SHROOM2: variants seen among roughly 807,000 people sequenced by gnomAD.
The protein encoded by SHROOM2 is shroom family member 2.
A neutral mutation model predicts 75.9 loss-of-function variants in SHROOM2; 33 were observed. That is an observed-to-expected ratio of 0.43 (90% CI 0.33 to 0.58). The LOEUF is 0.58. Ranked by LOEUF, SHROOM2 falls within the 20% of genes least tolerant of loss-of-function variation. The pLI, the probability that SHROOM2 is intolerant of heterozygous loss-of-function variation, is 0.04. For missense variants in SHROOM2, 1,434 were observed against 1,461.2 expected, an observed-to-expected ratio of 0.98 and a Z score of 0.30; for synonymous variants, 655 against 663.6, an observed-to-expected ratio of 0.99 and a Z score of 0.20.
chrX:9,948,784 C>T lies in SHROOM2; in HGVS notation c.*1847C>T, dbSNP rs904175116. 2 of 113,073 alleles carry T rather than the reference C, an allele frequency of 1.8e-5. No individual in the cohort carries two copies. Among genetic ancestry groups the T allele is most frequent in the African/African-American group, 3.2e-5 (1 of 31,115 alleles). The allele number at this position is 113,073 out of a possible 1,213,427, so 9.3% of individuals were successfully genotyped here. A position where few individuals can be genotyped will look rare whatever the true frequency, so the allele number is the denominator to read the frequency against. On this transcript the variant is annotated 3_prime_UTR_variant, in exon 10 of 10. Transcript: ENST00000380913. Reference sequence around the variant, plus strand: ...AATCCCTGTTCTGCCAGCGAAGCTTCCTCCTCCTCTCCAGCTGGTAGTCAC... The same window carrying T: ...AATCCCTGTTCTGCCAGCGAAGCTTTCTCCTCCTCTCCAGCTGGTAGTCAC...
At chrX:9,815,480 G>GTA (rs1555923270) in intron 1 of SHROOM2, among the ~76,000 whole-genome samples, 6 of 87,786 alleles carry the variant, frequency 6.8e-5, no homozygotes, top group South Asian at 4.9e-4. Flanking sequence ...GTGTGTGTGT[G>GTA]TATATAATAT....
At position 9,948,202 on chromosome X, in the gene SHROOM2, T is replaced by A. The variant is rs1178725084; in HGVS notation, c.*1265T>A. 3 of 112,257 alleles carry A rather than the reference T, an allele frequency of 2.7e-5. No homozygotes were observed. The highest frequency in any genetic ancestry group is 9.7e-5 in the African/African-American group (3 of 30,914). The allele number at this position is 112,257 out of a possible 1,213,427, so 9.3% of individuals were successfully genotyped here. Reference sequence around the variant, plus strand: ...CAGGCAAAAGACTTGAATAGACACTTCACCAAAGAGCATACACGCGTGGCA... The same window carrying A: ...CAGGCAAAAGACTTGAATAGACACTACACCAAAGAGCATACACGCGTGGCA... On this transcript the variant is annotated 3_prime_UTR_variant, in exon 10 of 10. Coordinates refer to ENST00000380913, the MANE Select transcript of SHROOM2 (RefSeq NM_001649.4).
At chrX:9,854,124 G>A (rs2084054350) in intron 1 of SHROOM2, among the ~76,000 whole-genome samples, 2 of 112,659 alleles carry the variant, frequency 1.8e-5, no homozygotes, top group South Asian at 7.3e-4. Flanking sequence ...GAACTCTATT[G>A]TAAAGCGTAC....
chrX:9,789,806 A>G (rs1339631310), intron 1 of SHROOM2, among the ~76,000 whole-genome samples: 1 of 111,952 alleles, frequency 8.9e-6, no homozygotes, highest in Admixed American at 9.5e-5. Flanking sequence ...CCCTCCCCCA[A>G]AAAGAATGCC....
In SHROOM2 at chrX:9,894,579, T is replaced by C; in HGVS notation, c.671T>C (p.Leu224Ser). Residue 224 changes from leucine to serine, a missense_variant, in exon 4 of 10, where the codon TTG (leucine) becomes TCG (serine). By Grantham distance (145) the Leu-to-Ser change is moderately radical (BLOSUM62 -2). Transcript: ENST00000380913. Reference protein sequence around the residue: ...STSSSTPDHTLSKADTSSAEN... With the variant: ...STSSSTPDHTSSKADTSSAEN... ...AGCTCTAGCACTCCTGACCACACCTTGTCCAAAGCCGACACGTCCTCCGCA... is the reference window on the plus strand; with the variant it reads ...AGCTCTAGCACTCCTGACCACACCTCGTCCAAAGCCGACACGTCCTCCGCA... 1 of 1,211,409 alleles carries C rather than the reference T, an allele frequency of 8.3e-7. No individual in the cohort carries two copies.
At chrX:9,823,995 C>G (rs1376919231) in intron 1 of SHROOM2, among the ~76,000 whole-genome samples, 1 of 110,739 alleles carries the variant, frequency 9.0e-6, no homozygotes, top group Non-Finnish European at 1.9e-5. Flanking sequence ...TCAAAGTATC[C>G]TCCTGCCTTG....
intron 1 of SHROOM2, among the ~76,000 whole-genome samples, chrX:9,843,746 T>A (rs1197150353): frequency 8.9e-6 from 1 of 112,501 alleles, no homozygotes; most frequent in Non-Finnish European, 1.9e-5. Flanking sequence ...TTCTTGACTG[T>A]GACAGTTTTT....
intron 1 of SHROOM2, among the ~76,000 whole-genome samples, chrX:9,853,370 G>A (rs941631909): frequency 8.9e-6 from 1 of 112,211 alleles, no homozygotes; most frequent in African/African-American, 3.2e-5. Flanking sequence ...GTTTCGTAGG[G>A]CTGTCATAAC....
At position 9,949,441 on chromosome X, in the gene SHROOM2, G is replaced by C; in HGVS notation, c.*2504G>C. Reference sequence around the variant, plus strand: ...CAAAATAAATAGTGTCTCTTCAAGTGAATGGAGATGTCTTTGATTTACCTA... The same window carrying C: ...CAAAATAAATAGTGTCTCTTCAAGTCAATGGAGATGTCTTTGATTTACCTA... On this transcript the variant is annotated 3_prime_UTR_variant, in exon 10 of 10. Transcript: ENST00000380913. The C allele has an allele frequency of 3.0e-6, 1 of 330,820 alleles. No individual in the cohort carries two copies. The highest frequency in any genetic ancestry group is 2.6e-5 in the South Asian group (1 of 38,490). 27.3% of individuals were successfully genotyped at this position (330,820 alleles called of 1,213,427 possible). A position where few individuals can be genotyped will look rare whatever the true frequency, so the allele number is the denominator to read the frequency against.
chrX:9,786,769 C>T (rs1161865562), intron 1 of SHROOM2, 59 bp downstream of exon 1: 8 of 818,332 alleles, frequency 9.8e-6, no homozygotes, highest in Non-Finnish European at 1.2e-5. Flanking sequence ...CTGCGGGGCG[C>T]GTCGAGGTAG....
intron 5 of SHROOM2, chrX:9,912,922 A>G (rs1390852433): frequency 8.9e-6 from 1 of 111,909 alleles, no homozygotes; most frequent in Non-Finnish European, 1.9e-5. Flanking sequence ...GATGCATGCA[A>G]TTTTTACAGC....
chrX:9,929,830 A>T (rs777227390), intron 5 of SHROOM2, among the ~76,000 whole-genome samples: 55 of 111,287 alleles, frequency 4.9e-4, no homozygotes, highest in Non-Finnish European at 8.7e-4. Flanking sequence ...ACCCAGGGGG[A>T]AGTAATTGAA....
rs1249912671 is a variant in SHROOM2, at chrX:9,948,487, T to C, written c.*1550T>C. 1 of 112,956 alleles carries C rather than the reference T, an allele frequency of 8.9e-6. No homozygotes were observed. The highest frequency in any genetic ancestry group is 3.2e-5 in the African/African-American group (1 of 31,012). The allele number at this position is 112,956 out of a possible 1,213,427, so 9.3% of individuals were successfully genotyped here. On this transcript the variant is annotated 3_prime_UTR_variant, in exon 10 of 10. Coordinates refer to ENST00000380913, the MANE Select transcript of SHROOM2 (RefSeq NM_001649.4). ...TTCCAGTGGAATGGAGATTTCATTT[T>C]GTCAGCAGCAGTGACCACAGCCTTA...
intron 1 of SHROOM2, among the ~76,000 whole-genome samples, chrX:9,857,814 T>TG (rs1258005505): frequency 9.0e-6 from 1 of 111,158 alleles, no homozygotes; most frequent in Non-Finnish European, 1.9e-5. Context: ...TCGTGCATCC[T>TG]GGCTGCTCAT....
At chrX:9,813,831 C>T (rs567543674) in intron 1 of SHROOM2, among the ~76,000 whole-genome samples, 412 of 112,074 alleles carry the variant, frequency 3.7e-3, no homozygotes, top group Non-Finnish European at 5.6e-3. Context: ...TTCTGATTGC[C>T]GCTTTGCCTC....
intron 1 of SHROOM2, among the ~76,000 whole-genome samples, chrX:9,808,076 C>T (rs1196791905): frequency 9.0e-6 from 1 of 111,149 alleles, no homozygotes; most frequent in Non-Finnish European, 1.9e-5. Flanking sequence ...TGATTTCCTC[C>T]CAGACTTTGC....
At chrX:9,904,964 G>A (rs184579507) in intron 5 of SHROOM2, among the ~76,000 whole-genome samples, 1 of 112,340 alleles carries the variant, frequency 8.9e-6, no homozygotes, top group East Asian at 2.8e-4. Context: ...AAGCTCAAGT[G>A]ATCCTCCCGA....
chrX:9,889,908 C>T lies in SHROOM2; in HGVS notation c.318-1069C>T, dbSNP rs754988735. ...CTGAGGGACCCATATACCTTTTCTCCAGCAAAAGATAGGAGATGCTGTTTG... is the reference window on the plus strand; with the variant it reads ...CTGAGGGACCCATATACCTTTTCTCTAGCAAAAGATAGGAGATGCTGTTTG... On this transcript the variant is annotated intron_variant, in intron 2 of 9. Coordinates refer to ENST00000380913, the MANE Select transcript of SHROOM2 (RefSeq NM_001649.4). Among the ~76,000 whole-genome samples the T allele has an allele frequency of 5.3e-5, 6 of 112,547 alleles. No homozygotes were observed. In the Admixed American group the frequency reaches 5.6e-4, roughly 11 times the overall value.
intron 1 of SHROOM2, among the ~76,000 whole-genome samples, chrX:9,796,764 C>A (rs1333256693): frequency 1.8e-5 from 2 of 110,666 alleles, no homozygotes; most frequent in Non-Finnish European, 3.8e-5. Context: ...CCCACCTCAG[C>A]CCCCCAAGTA....
Sources: gnomAD v4.1 joint callset for allele counts (sites outside exome capture counted in the v4.1 genomes callset) on GRCh38, gnomAD v4.1.1 for gene constraint, MANE v1.5 for transcripts, NCBI Gene and HGNC (gene_info 2026-07-23, HGNC 2026-07-21) for gene names.